Variants in TTC28 observed in about 807,000 individuals in gnomAD.
TTC28 encodes the protein tetratricopeptide repeat protein 28.
Under a neutral mutation model 198.0 loss-of-function variants are expected in TTC28, and 61 were observed. The observed-to-expected ratio is 0.31, with a 90% CI of 0.25 to 0.38. The LOEUF (loss-of-function observed/expected upper bound fraction) is 0.38. Ranked by LOEUF, TTC28 falls within the 10% of genes least tolerant of loss-of-function variation. TTC28 has a pLI of 1.00. For missense variants in TTC28, 2,678 were observed against 3,164.0 expected (o/e 0.85, Z 3.69); for synonymous variants, 1,171 against 1,297.8 (o/e 0.90, Z 2.10).
intron 6 of TTC28, among the ~76,000 whole-genome samples, chr22:28,127,734 G>A (rs539229897): frequency 1.2e-4 from 18 of 151,902 alleles, no homozygotes; most frequent in African/African-American, 4.3e-4. Context: ...AATTACGTAT[G>A]TGCCTCACAT....
Position 28,030,212 on chromosome 22 carries a change from C to T in TTC28, c.4073+14G>A, listed in dbSNP as rs573131382. ...TGCCCTGCACTGGGCCTGGGGAAAGCGCCCCACACTCACCTGTTAAACAGG... is the reference window on the plus strand; with the variant it reads ...TGCCCTGCACTGGGCCTGGGGAAAGTGCCCCACACTCACCTGTTAAACAGG... On this transcript the variant is annotated intron_variant, in intron 13 of 22. Coordinates refer to ENST00000397906, the MANE Select transcript of TTC28 (RefSeq NM_001145418.2). 1.2e-5 allele frequency: 18 copies of T among 1,551,154 alleles called. 1 individual carries two copies. Among genetic ancestry groups the T allele is most frequent in the African/African-American group, 6.8e-5 (5 of 73,176 alleles).
Position 28,635,427 on chromosome 22 carries a change from C to T in TTC28, c.103-5597G>A, listed in dbSNP as rs140347284. Among the ~76,000 whole-genome samples, 1,069 of 152,018 alleles carry T rather than the reference C, an allele frequency of 7.0e-3. 12 individuals are homozygous for T. The highest frequency in any genetic ancestry group is 0.025 in the African/African-American group (1,032 of 41,460). On this transcript the variant is annotated intron_variant, in intron 1 of 22. Transcript: ENST00000397906. ...TACTTAGATTAACCATTATTTATTC[C>T]CTCATGAGTTCCAAAATAGAGAAAA...
chr22:28,162,579 A>C (rs1176488099), intron 6 of TTC28, among the ~76,000 whole-genome samples: 1 of 152,220 alleles, frequency 6.6e-6, no homozygotes, highest in Non-Finnish European at 1.5e-5. Context: ...CCAGTATCTC[A>C]GAATTCTAAT....
intron 5 of TTC28, among the ~76,000 whole-genome samples, chr22:28,288,345 CTT>C (rs1167978331): frequency 6.6e-6 from 1 of 152,144 alleles, no homozygotes; most frequent in African/African-American, 2.4e-5. Flanking sequence ...GGTATAACCA[CTT>C]TGGGAAACTG....
chr22:28,472,491 T>C (rs2048108405), intron 2 of TTC28, among the ~76,000 whole-genome samples: 1 of 152,054 alleles, frequency 6.6e-6, no homozygotes, highest in Non-Finnish European at 1.5e-5. Context: ...TATTGAATTA[T>C]ACATTTTGTT....
intron 5 of TTC28, among the ~76,000 whole-genome samples, chr22:28,216,959 G>A (rs1267198364): frequency 6.6e-6 from 1 of 151,956 alleles, no homozygotes; most frequent in Non-Finnish European, 1.5e-5. Flanking sequence ...TCAAGCGATC[G>A]TCCTTCCTCA....
rs114095563 is a variant in TTC28 at position 28,158,502 on chromosome 22, G to A, written c.1441+4590C>T. Among the ~76,000 whole-genome samples the A allele has an allele frequency of 3.7e-3, 559 of 152,274 alleles. 2 individuals are homozygous for A. Among genetic ancestry groups the A allele is most frequent in the African/African-American group, 0.013 (544 of 41,552 alleles). On this transcript the variant is annotated intron_variant, in intron 6 of 22. Transcript: ENST00000397906. ...ACTGGAATAATTTGAATCATTACCT[G>A]ATTTCAAATTACACTACAAAGCTAT...
At chr22:28,335,736 G>A (rs974185302) in intron 2 of TTC28, among the ~76,000 whole-genome samples, 1 of 152,140 alleles carries the variant, frequency 6.6e-6, no homozygotes, top group Admixed American at 6.5e-5. Context: ...AGAAGATTTT[G>A]GGCTGAGATG....
At chr22:28,052,036 G>A (rs1227839962) in intron 12 of TTC28, among the ~76,000 whole-genome samples, 4 of 152,188 alleles carry the variant, frequency 2.6e-5, no homozygotes, top group Admixed American at 6.5e-5. Flanking sequence ...GTCCCTTGCT[G>A]TATTAAAAGC....
At chr22:28,470,933 G>A (rs191354836) in intron 2 of TTC28, among the ~76,000 whole-genome samples, 92 of 152,274 alleles carry the variant, frequency 6.0e-4, no homozygotes, top group Middle Eastern at 3.4e-3. Flanking sequence ...CATTTCAGCC[G>A]AAGGCCTACA....
chr22:28,085,141 A>G (rs919900350), intron 12 of TTC28, among the ~76,000 whole-genome samples: 1 of 152,116 alleles, frequency 6.6e-6, no homozygotes, highest in African/African-American at 2.4e-5. Context: ...CCAACATTCA[A>G]ATTCAGGAAA....
chr22:28,165,799 T>G (rs1921863576), intron 5 of TTC28, among the ~76,000 whole-genome samples: 1 of 152,164 alleles, frequency 6.6e-6, no homozygotes, highest in Admixed American at 6.5e-5. Context: ...GCTAGCATCA[T>G]AATGACAGGA....
intron 6 of TTC28, among the ~76,000 whole-genome samples, chr22:28,160,155 C>T (rs1343745237): frequency 2.0e-5 from 3 of 151,978 alleles, no homozygotes; most frequent in Non-Finnish European, 4.4e-5. Flanking sequence ...ATAGCACAAC[C>T]GGATAACTAT....
intron 2 of TTC28, among the ~76,000 whole-genome samples, chr22:28,409,670 T>C (rs1010267122): frequency 1.3e-5 from 2 of 150,388 alleles, no homozygotes; most frequent in African/African-American, 4.9e-5. Context: ...TTTCTTTTTT[T>C]TTTTTTTGAG....
At chr22:28,618,339 T>C (rs1228696297) in intron 2 of TTC28, among the ~76,000 whole-genome samples, 1 of 151,970 alleles carries the variant, frequency 6.6e-6, no homozygotes. Flanking sequence ...AGTGATTTTT[T>C]ATAGAGCAAA....
At chr22:28,342,427 T>G (rs2045845971) in intron 2 of TTC28, among the ~76,000 whole-genome samples, 1 of 152,200 alleles carries the variant, frequency 6.6e-6, no homozygotes, top group Non-Finnish European at 1.5e-5. Context: ...ACACAACCAT[T>G]GCCCAGAGAC....
chr22:28,263,387 T>C (rs541417714), intron 5 of TTC28, among the ~76,000 whole-genome samples: 3 of 152,158 alleles, frequency 2.0e-5, no homozygotes, highest in East Asian at 3.9e-4. Flanking sequence ...TTATAATACA[T>C]TACATACAAC....
chr22:28,202,535 C>T (rs1264348616), intron 5 of TTC28, among the ~76,000 whole-genome samples: 1 of 147,472 alleles, frequency 6.8e-6, no homozygotes, highest in Non-Finnish European at 1.5e-5. Flanking sequence ...GAGACTCTGT[C>T]TCAAAAAAAA....
intron 8 of TTC28, among the ~76,000 whole-genome samples, chr22:28,104,104 C>T (rs1401186687): frequency 6.6e-6 from 1 of 152,178 alleles, no homozygotes; most frequent in African/African-American, 2.4e-5. Flanking sequence ...CAGCTCTTTA[C>T]CCACTCTCCT....
Sources: gnomAD v4.1 joint callset for allele counts (sites outside exome capture counted in the v4.1 genomes callset) on GRCh38, gnomAD v4.1.1 for gene constraint, MANE v1.5 for transcripts, NCBI Gene and HGNC (gene_info 2026-07-23, HGNC 2026-07-21) for gene names.